Variants in CLPTM1L observed in about 807,000 individuals in gnomAD.
CLPTM1L encodes CLPTM1 like.
Under a neutral mutation model 70.9 loss-of-function variants are expected in CLPTM1L, and 38 were observed. The observed-to-expected ratio is 0.54, with a 90% CI of 0.41 to 0.70. The LOEUF (loss-of-function observed/expected upper bound fraction) is 0.70. Among genes scored for constraint, CLPTM1L ranks in the 30% least tolerant of loss-of-function variants. The pLI, the probability that CLPTM1L is intolerant of heterozygous loss-of-function variation, is 0.00. For synonymous variants in CLPTM1L, 339 were observed against 299.9 expected (o/e 1.13, Z -1.35); for missense variants, 652 against 705.9 (o/e 0.92, Z 0.87).
chr5:1,322,845 T>G (rs918765999), intron 13 of CLPTM1L, 32 bp downstream of exon 13: 16 of 1,608,242 alleles, frequency 9.9e-6, no homozygotes, highest in Middle Eastern at 1.6e-4. Flanking sequence ...CTGGAAACAC[T>G]AGTACTGAAG....
Position 1,344,646 on chromosome 5 carries a change from A to C in CLPTM1L, c.162+34T>G, listed in dbSNP as rs544496470. 846 of 1,540,946 alleles carry C rather than the reference A, an allele frequency of 5.5e-4. 4 individuals carry two copies. In the African/African-American group the frequency reaches 0.011, roughly 20 times the overall value. The stretch of plus-strand genomic sequence containing the variant: ...GGCCTGGAGGAGAGGCCCCCACCCC[A>C]ACCCGCCCGGCCCCCGGCCCCGCGG... On this transcript the variant is annotated intron_variant, in intron 1 of 16. Coordinates refer to ENST00000320895, the MANE Select transcript of CLPTM1L (RefSeq NM_030782.5).
In CLPTM1L at chr5:1,344,347, A is replaced by C; in HGVS notation, c.263+4T>G. 1.2e-6 allele frequency: 2 copies of C among 1,602,892 alleles called. No homozygotes were observed. The highest frequency in any genetic ancestry group is 1.7e-6 in the Non-Finnish European group (2 of 1,169,878). ...TTCACTGGCATTTTGTCCTACGCCC[A>C]TACCTTTCAAATTTGGACTCCACAT... On this transcript the variant is annotated splice_donor_region_variant and intron_variant, in intron 2 of 16. Coordinates refer to ENST00000320895, the MANE Select transcript of CLPTM1L (RefSeq NM_030782.5).
intron 14 of CLPTM1L, 34 bp downstream of exon 14, chr5:1,321,728 CGG>C: frequency 6.2e-7 from 1 of 1,613,836 alleles, no homozygotes; most frequent in Non-Finnish European, 8.5e-7. Context: ...GCACAGGAGA[CGG>C]GGGCCGGGCC....
chr5:1,323,712 C>G, intron 12 of CLPTM1L, 75 bp downstream of exon 12: 4 of 1,342,480 alleles, frequency 3.0e-6, no homozygotes, highest in Non-Finnish European at 4.2e-6. Flanking sequence ...CCAGTCGCAC[C>G]CCGCTCTGGC....
chr5:1,323,947 C>G, intron 11 of CLPTM1L, 78 bp from the exon 12 acceptor site: 1 of 1,131,888 alleles, frequency 8.8e-7, no homozygotes, highest in East Asian at 2.4e-5. Context: ...GAGCTCACCC[C>G]GACAGGGACA....
chr5:1,334,082 T>C (rs998903367), intron 7 of CLPTM1L, among the ~76,000 whole-genome samples: 1 of 152,120 alleles, frequency 6.6e-6, no homozygotes, highest in African/African-American at 2.4e-5. Context: ...TTATGGTCCC[T>C]CCCTTTTCAG....
rs574614543 is a variant in CLPTM1L, at chr5:1,330,525, G to C, written c.977-142C>G. The C allele has an allele frequency of 2.7e-5, 17 of 624,124 alleles. No individual in the cohort carries two copies. In the South Asian group the frequency reaches 3.4e-4, roughly 12 times the overall value. 38.7% of individuals were successfully genotyped at this position (624,124 alleles called of 1,614,324 possible). On this transcript the variant is annotated intron_variant, in intron 8 of 16. Transcript: ENST00000320895. ...GGTACTCCCCAGTCCACGTCACCCC[G>C]TTTAAAAAGAACAATGAAGCATTCA...
At chr5:1,332,042 C>T (rs1158312247) in intron 7 of CLPTM1L, 159 bp from the exon 8 acceptor site, 14 of 642,498 alleles carry the variant, frequency 2.2e-5, no homozygotes, top group Admixed American at 1.2e-4. Flanking sequence ...TGCCTCTACG[C>T]GCCTGGCCTG....
chr5:1,332,842 T>G (rs538023589), intron 7 of CLPTM1L, among the ~76,000 whole-genome samples: 1 of 152,372 alleles, frequency 6.6e-6, no homozygotes, highest in African/African-American at 2.4e-5. Context: ...CATTACGTTA[T>G]TTGATACACA....
chr5:1,335,472 G>A (rs1303048395), intron 5 of CLPTM1L, among the ~76,000 whole-genome samples: 3 of 152,242 alleles, frequency 2.0e-5, no homozygotes, highest in Non-Finnish European at 4.4e-5. Flanking sequence ...AGCCGCACAA[G>A]TCCTGGTGCC....
intron 9 of CLPTM1L, among the ~76,000 whole-genome samples, chr5:1,326,960 G>A (rs878952625): frequency 0.035 from 2,473 of 71,514 alleles, 52 homozygotes; most frequent in Non-Finnish European, 0.046. Context: ...CCTCCTCTAC[G>A]GACACATTCC....
At position 1,318,241 on chromosome 5, in the gene CLPTM1L, G is replaced by A; in HGVS notation, c.*128C>T. 1 of 718,196 alleles carries A rather than the reference G, an allele frequency of 1.4e-6. No individual in the cohort carries two copies. Among genetic ancestry groups the A allele is most frequent in the Non-Finnish European group, 2.4e-6 (1 of 420,548 alleles). 44.5% of individuals were successfully genotyped at this position (718,196 alleles called of 1,614,324 possible). A position where few individuals can be genotyped will look rare whatever the true frequency, so the allele number is the denominator to read the frequency against. ...CTGACGTGATGGGAACTTGGGAGAT[G>A]TCTGAGAAATGTCCGAAGGGATTTT... On this transcript the variant is annotated 3_prime_UTR_variant, in exon 17 of 17. Transcript: ENST00000320895. The surrounding 1 kb of genome is among the most constrained non-coding windows in gnomAD (Gnocchi z 8.9).
intron 13 of CLPTM1L, 141 bp downstream of exon 13, chr5:1,322,736 C>G: frequency 1.2e-6 from 1 of 849,830 alleles, no homozygotes. Flanking sequence ...CCCTGGGCAC[C>G]GCACATGTGC....
At position 1,331,374 on chromosome 5, in the gene CLPTM1L, C is replaced by T. The variant is rs113603732; in HGVS notation, c.976+425G>A. On this transcript the variant is annotated intron_variant, in intron 8 of 16. Transcript: ENST00000320895. ...CTGCCATCACCTGGCAGGCCCCACA[C>T]GCCCAGGCCTGCGCTGGTCGGGGAA... The T allele has an allele frequency of 3.1e-5, 6 of 196,582 alleles. No individual in the cohort carries two copies. The South Asian group carries it at 5.3e-4, about 17-fold the overall frequency. The allele number at this position is 196,582 out of a possible 1,614,324, so 12.2% of individuals were successfully genotyped here.
intron 7 of CLPTM1L, among the ~76,000 whole-genome samples, chr5:1,332,614 C>G (rs1004620371): frequency 2.6e-5 from 4 of 152,198 alleles, no homozygotes; most frequent in Admixed American, 2.6e-4. Flanking sequence ...ACAGTAAGAG[C>G]ACAGCAGCCT....
intron 15 of CLPTM1L, 51 bp downstream of exon 15, chr5:1,321,584 G>T: frequency 6.5e-7 from 1 of 1,545,386 alleles, no homozygotes. Flanking sequence ...AGACGCCCTT[G>T]CTCACGCTCT....
At chr5:1,344,325 A>G in intron 2 of CLPTM1L, 26 bp downstream of exon 2, 1 of 1,440,938 alleles carries the variant, frequency 6.9e-7, no homozygotes, top group Non-Finnish European at 9.8e-7. Context: ...TTTCCCTTTC[A>G]CTGGCATTTT....
chr5:1,324,997 G>A (rs529956293), intron 10 of CLPTM1L, 184 bp from the exon 11 acceptor site: 40 of 614,148 alleles, frequency 6.5e-5, no homozygotes, highest in Admixed American at 4.8e-4. Context: ...GATCCTTCCC[G>A]CCTCACCCTG....
At chr5:1,343,238 G>C (rs1475280582) in intron 2 of CLPTM1L, among the ~76,000 whole-genome samples, 1 of 152,014 alleles carries the variant, frequency 6.6e-6, no homozygotes, top group Non-Finnish European at 1.5e-5. Flanking sequence ...AAAACACAAA[G>C]GCATCTATGG....
Sources: allele counts gnomAD v4.1 joint callset (sites outside exome capture counted in the v4.1 genomes callset), GRCh38; gene constraint gnomAD v4.1.1; non-coding constraint Gnocchi (gnomAD v3.1); transcripts MANE v1.5; gene names NCBI Gene and HGNC (gene_info 2026-07-23, HGNC 2026-07-21).